Variants in SBF2 observed in about 807,000 individuals in gnomAD.
SBF2 encodes the protein SET binding factor 2, also known as myotubularin-related protein 13.
A neutral mutation model predicts 225.2 loss-of-function variants in SBF2; 112 were observed. The observed-to-expected ratio is 0.50, with a 90% confidence interval of 0.43 to 0.58. The LOEUF (loss-of-function observed/expected upper bound fraction) is 0.58, where lower values mean the gene tolerates loss of function less well. Among genes scored for constraint, SBF2 ranks in the 20% least tolerant of loss-of-function variants. The probability of loss-of-function intolerance (pLI) is 0.00; values close to 1 mark genes in which losing one functional copy is unlikely to be tolerated. For missense variants in SBF2, 1,996 were observed against 2,206.2 expected, an observed-to-expected ratio of 0.90 and a Z score of 1.91; for synonymous variants, 763 against 773.3, an observed-to-expected ratio of 0.99 and a Z score of 0.22.
chr11:9,833,778 T>C (rs1475538387), intron 26 of SBF2, among the ~76,000 whole-genome samples: 2 of 149,806 alleles, frequency 1.3e-5, no homozygotes, highest in Non-Finnish European at 3.0e-5. Flanking sequence ...GCTATCCTTT[T>C]TTTTTTTTTT....
At chr11:9,855,673 A>T (rs936176514) in intron 19 of SBF2, among the ~76,000 whole-genome samples, 1 of 152,272 alleles carries the variant, frequency 6.6e-6, no homozygotes, top group African/African-American at 2.4e-5. Flanking sequence ...ACAAGCAAAC[A>T]TATGAAAATA....
chr11:9,979,609 A>G lies in SBF2; in HGVS notation c.1395+9888T>C, dbSNP rs185175815. Among the ~76,000 whole-genome samples the G allele has an allele frequency of 1.2e-3, 186 of 152,320 alleles. 1 individual carries two copies. The highest frequency in any genetic ancestry group is 2.2e-3 in the Non-Finnish European group (151 of 68,032). Reference sequence around the variant, plus strand: ...AACTAAAAATGTGATCAGTCAATAAATTAAAGTAACAGATCTTGGCATGCA... The same window carrying G: ...AACTAAAAATGTGATCAGTCAATAAGTTAAAGTAACAGATCTTGGCATGCA... On this transcript the variant is annotated intron_variant, in intron 13 of 39. Coordinates refer to ENST00000256190, the MANE Select transcript of SBF2 (RefSeq NM_030962.4).
At chr11:9,934,550 A>T (rs1412642243) in intron 16 of SBF2, among the ~76,000 whole-genome samples, 2 of 152,200 alleles carry the variant, frequency 1.3e-5, no homozygotes, top group Non-Finnish European at 2.9e-5. Flanking sequence ...CAATGTGAAA[A>T]TCCTCAATAA....
At chr11:10,144,324 C>CA (rs1274198783) in intron 2 of SBF2, among the ~76,000 whole-genome samples, 5 of 151,780 alleles carry the variant, frequency 3.3e-5, no homozygotes, top group Non-Finnish European at 7.4e-5. Context: ...ACTGTCTCTA[C>CA]AAAAAAACAC....
intron 2 of SBF2, among the ~76,000 whole-genome samples, chr11:10,170,199 T>G (rs553084274): frequency 2.0e-4 from 30 of 152,274 alleles, no homozygotes; most frequent in African/African-American, 7.2e-4. Flanking sequence ...ACTCGAAGTC[T>G]TTGCCCAGTT....
chr11:9,789,881 C>G (rs914949956), intron 34 of SBF2, among the ~76,000 whole-genome samples: 1 of 152,164 alleles, frequency 6.6e-6, no homozygotes, highest in African/African-American at 2.4e-5. Context: ...TCTGAAGTAC[C>G]CAGACAGAGT....
In SBF2 at chr11:10,196,866, A is replaced by ATATATT; in HGVS notation, c.56-2880_56-2879insAATATA. 1.6e-3 allele frequency among the ~76,000 whole-genome samples: 159 copies of ATATATT among 99,308 alleles called. 7 individuals are homozygous for ATATATT. The highest frequency in any genetic ancestry group is 3.0e-3 in the East Asian group (12 of 3,950). 65.1% of individuals were successfully genotyped at this position (99,308 alleles called of 152,430 possible). ...TATATATATATATATATATATATATATTTTTTTTTTCCTACAAAATGAATA... is the reference window on the plus strand; with the variant it reads ...TATATATATATATATATATATATATATATATTTTTTTTTTTTCCTACAAAATGAATA... On this transcript the variant is annotated intron_variant, in intron 1 of 39. Transcript: ENST00000256190.
At chr11:10,128,996 T>C (rs1206253617) in intron 2 of SBF2, among the ~76,000 whole-genome samples, 1 of 151,672 alleles carries the variant, frequency 6.6e-6, no homozygotes. Flanking sequence ...GCTAAAAGAG[T>C]CATGTTTCCC....
chr11:9,830,927 C>T (rs554955384), intron 27 of SBF2, among the ~76,000 whole-genome samples: 2 of 152,222 alleles, frequency 1.3e-5, no homozygotes, highest in South Asian at 2.1e-4. Context: ...CTTAGTGATA[C>T]GCTTATCGGT....
At chr11:9,821,639 A>C (rs766871620) in intron 28 of SBF2, among the ~76,000 whole-genome samples, 20 of 152,316 alleles carry the variant, frequency 1.3e-4, no homozygotes, top group Admixed American at 2.6e-4. Context: ...AAGCTGCAGG[A>C]TCCTCCTTAG....
chr11:9,925,726 T>C (rs888067564), intron 16 of SBF2, among the ~76,000 whole-genome samples: 1 of 152,240 alleles, frequency 6.6e-6, no homozygotes, highest in Non-Finnish European at 1.5e-5. Context: ...TTGGACTACA[T>C]TAGACTACAA....
At chr11:9,922,734 A>G (rs990459656) in intron 16 of SBF2, among the ~76,000 whole-genome samples, 1 of 151,410 alleles carries the variant, frequency 6.6e-6, no homozygotes, top group Middle Eastern at 3.2e-3. Context: ...GACAGAGAGA[A>G]TGAGCTCGTT....
intron 17 of SBF2, among the ~76,000 whole-genome samples, chr11:9,868,337 CAAAAAAAAAAAAAA>C (rs35348349): frequency 1.5e-4 from 4 of 26,374 alleles, no homozygotes; most frequent in Non-Finnish European, 2.2e-4. Flanking sequence ...TACAAAAATA[CAAAAAAAAAAAAAA>C]AAAAAAAAAA....
chr11:10,192,672 T>A (rs565793165), intron 2 of SBF2, among the ~76,000 whole-genome samples: 2 of 152,272 alleles, frequency 1.3e-5, no homozygotes, highest in African/African-American at 4.8e-5. Flanking sequence ...AGATAAGTAT[T>A]CTGCTGGCTC....
At chr11:10,070,484 T>A (rs1403608339) in intron 2 of SBF2, among the ~76,000 whole-genome samples, 1 of 151,538 alleles carries the variant, frequency 6.6e-6, no homozygotes, top group East Asian at 1.9e-4. Flanking sequence ...TGTGGTGTTA[T>A]TTCTGAAGGC....
At chr11:9,887,976 T>C (rs2134108513) in intron 17 of SBF2, among the ~76,000 whole-genome samples, 1 of 152,330 alleles carries the variant, frequency 6.6e-6, no homozygotes, top group East Asian at 1.9e-4. Flanking sequence ...GAAATATCTA[T>C]TTTTTATATT....
At chr11:10,014,535 T>C (rs1367596195) in intron 6 of SBF2, among the ~76,000 whole-genome samples, 1 of 99,696 alleles carries the variant, frequency 1.0e-5, no homozygotes, top group Admixed American at 1.1e-4. Flanking sequence ...AAAACGAAAA[T>C]GGAGTTCACT....
intron 2 of SBF2, among the ~76,000 whole-genome samples, chr11:10,183,023 G>A (rs974599556): frequency 5.9e-5 from 9 of 151,868 alleles, no homozygotes; most frequent in Non-Finnish European, 1.3e-4. Context: ...CGCCCGCCTC[G>A]GCCTCCCAAA....
At chr11:10,202,441 T>C (rs1286676903) in intron 1 of SBF2, among the ~76,000 whole-genome samples, 2 of 152,214 alleles carry the variant, frequency 1.3e-5, no homozygotes, top group African/African-American at 4.8e-5. Context: ...TTCACACTAA[T>C]TTCTCTGATC....
Sources: gnomAD v4.1 joint callset for allele counts (sites outside exome capture counted in the v4.1 genomes callset) on GRCh38, gnomAD v4.1.1 for gene constraint, MANE v1.5 for transcripts, NCBI Gene and HGNC (gene_info 2026-07-23, HGNC 2026-07-21) for gene names.